Variants in CCSER1 observed in about 807,000 individuals in gnomAD.
CCSER1 encodes coiled-coil serine rich protein 1, also known as serine-rich coiled-coil domain-containing protein 1.
CCSER1 carries 41 observed loss-of-function variants against 82.0 expected under a neutral mutation model. The observed-to-expected ratio is 0.50, with a 90% confidence interval of 0.39 to 0.65. The LOEUF is 0.65. Ranked by LOEUF, CCSER1 falls within the 30% of genes least tolerant of loss-of-function variation. The pLI is 0.00. For synonymous variants in CCSER1, 414 were observed against 383.9 expected (o/e 1.08, Z -0.92); for missense variants, 1,119 against 1,064.2 (o/e 1.05, Z -0.72).
intron 1 of CCSER1, among the ~76,000 whole-genome samples, chr4:90,270,066 G>A (rs1725971512): frequency 6.6e-6 from 1 of 151,966 alleles, no homozygotes; most frequent in Non-Finnish European, 1.5e-5. Context: ...AGACCCAATG[G>A]ATTCACTGCT....
At chr4:91,327,910 C>A (rs931287480) in intron 10 of CCSER1, among the ~76,000 whole-genome samples, 18 of 152,290 alleles carry the variant, frequency 1.2e-4, no homozygotes, top group Admixed American at 7.8e-4. Flanking sequence ...AGTCTCTTTG[C>A]TAAAGCATAA....
intron 5 of CCSER1, among the ~76,000 whole-genome samples, chr4:90,513,661 A>G (rs1560640356): frequency 6.6e-6 from 1 of 152,192 alleles, no homozygotes; most frequent in Admixed American, 6.5e-5. Flanking sequence ...AGATGAATGA[A>G]GAGTGTATGA....
chr4:90,687,563 A>G (rs1270666706), intron 6 of CCSER1, among the ~76,000 whole-genome samples: 1 of 152,124 alleles, frequency 6.6e-6, no homozygotes, highest in Non-Finnish European at 1.5e-5. Context: ...CCTTGAGATA[A>G]AGTAAAGCAC....
chr4:90,491,775 CAT>C (rs1404559035), intron 5 of CCSER1, among the ~76,000 whole-genome samples: 2 of 152,160 alleles, frequency 1.3e-5, no homozygotes, highest in Non-Finnish European at 2.9e-5. Context: ...TTGAGATAAT[CAT>C]GTGGTTTTTG....
intron 10 of CCSER1, among the ~76,000 whole-genome samples, chr4:91,261,531 G>C (rs753523265): frequency 1.8e-4 from 28 of 152,130 alleles, no homozygotes; most frequent in Non-Finnish European, 3.5e-4. Flanking sequence ...TGCTGTGTAC[G>C]TAATAATCTT....
At chr4:90,898,267 A>ATATTTTTTTT (rs1439532109) in intron 8 of CCSER1, among the ~76,000 whole-genome samples, 1 of 55,378 alleles carries the variant, frequency 1.8e-5, no homozygotes, top group Non-Finnish European at 4.1e-5. Flanking sequence ...TCTTTAATCC[A>ATATTTTTTTT]TCTTTTTTTT....
At chr4:91,163,877 C>A (rs560895021) in intron 10 of CCSER1, among the ~76,000 whole-genome samples, 4 of 151,742 alleles carry the variant, frequency 2.6e-5, no homozygotes, top group Non-Finnish European at 5.9e-5. Context: ...GGTCTTGACT[C>A]TATCCAATTT....
intron 10 of CCSER1, among the ~76,000 whole-genome samples, chr4:91,143,114 T>G (rs1320961704): frequency 6.6e-6 from 1 of 152,112 alleles, no homozygotes; most frequent in Non-Finnish European, 1.5e-5. Context: ...TCCATGAACA[T>G]GGAGTATTTT....
intron 5 of CCSER1, among the ~76,000 whole-genome samples, chr4:90,546,026 C>A (rs954391823): frequency 3.9e-5 from 6 of 152,062 alleles, no homozygotes; most frequent in African/African-American, 1.4e-4. Flanking sequence ...TATAGTTTGT[C>A]CCTTATGGCA....
Position 91,111,626 on chromosome 4 carries a change from T to C in CCSER1, c.2217+25632T>C, listed in dbSNP as rs73834791. 2.7e-3 allele frequency among the ~76,000 whole-genome samples: 408 copies of C among 151,952 alleles called. 3 individuals carry two copies. The highest frequency in any genetic ancestry group is 9.4e-3 in the African/African-American group (392 of 41,542). On this transcript the variant is annotated intron_variant, in intron 10 of 10. Coordinates refer to ENST00000509176, the MANE Select transcript of CCSER1 (RefSeq NM_001145065.2). ...AATAAAATAAAGATTGTATATATTT[T>C]AGGAGGTCATAAATTTGTAGGTATT... is the stretch of plus-strand genomic sequence containing the variant.
At chr4:90,750,244 C>T (rs187442888) in intron 7 of CCSER1, among the ~76,000 whole-genome samples, 2 of 151,990 alleles carry the variant, frequency 1.3e-5, no homozygotes, top group African/African-American at 4.8e-5. Context: ...TTGTGGGTTG[C>T]CTGTTCGCTC....
At chr4:91,422,459 T>TG (rs748134358) in intron 10 of CCSER1, among the ~76,000 whole-genome samples, 25 of 152,296 alleles carry the variant, frequency 1.6e-4, no homozygotes, top group Non-Finnish European at 3.2e-4. Flanking sequence ...ATTGCCTAAT[T>TG]GTGTGTCATA....
At chr4:90,183,870 T>A (rs1383150536) in intron 1 of CCSER1, among the ~76,000 whole-genome samples, 1 of 152,180 alleles carries the variant, frequency 6.6e-6, no homozygotes, top group African/African-American at 2.4e-5. Flanking sequence ...TTGAGAAGTT[T>A]CATTTAGATT....
chr4:90,550,290 T>C (rs1168296336), intron 5 of CCSER1, among the ~76,000 whole-genome samples: 1 of 152,212 alleles, frequency 6.6e-6, no homozygotes, highest in Non-Finnish European at 1.5e-5. Context: ...ACATTATTTA[T>C]TGATATATTT....
At chr4:90,516,894 T>C (rs1772359593) in intron 5 of CCSER1, among the ~76,000 whole-genome samples, 1 of 152,114 alleles carries the variant, frequency 6.6e-6, no homozygotes, top group Non-Finnish European at 1.5e-5. Flanking sequence ...GCTTTGAAAA[T>C]GGCACACATT....
chr4:90,735,610 A>G (rs1040155149), intron 7 of CCSER1, among the ~76,000 whole-genome samples: 5 of 152,144 alleles, frequency 3.3e-5, no homozygotes, highest in African/African-American at 9.6e-5. Flanking sequence ...ATTGGCACAT[A>G]GTTGCTCATG....
At chr4:91,050,555 G>C (rs1561503365) in intron 9 of CCSER1, among the ~76,000 whole-genome samples, 1 of 152,066 alleles carries the variant, frequency 6.6e-6, no homozygotes, top group Non-Finnish European at 1.5e-5. Flanking sequence ...CCATTGTATT[G>C]ATAACATAAA....
intron 10 of CCSER1, among the ~76,000 whole-genome samples, chr4:91,535,426 A>G (rs1266808680): frequency 8.9e-6 from 1 of 111,922 alleles, no homozygotes; most frequent in Non-Finnish European, 1.8e-5. Flanking sequence ...GAAGGTGAGA[A>G]TGATGAGGTG....
intron 1 of CCSER1, among the ~76,000 whole-genome samples, chr4:90,165,741 A>G (rs1328371087): frequency 6.6e-6 from 1 of 152,074 alleles, no homozygotes; most frequent in African/African-American, 2.4e-5. Context: ...TAACCTAAAA[A>G]GACTAATTGT....
Sources: allele counts gnomAD v4.1 joint callset (sites outside exome capture counted in the v4.1 genomes callset), GRCh38; gene constraint gnomAD v4.1.1; transcripts MANE v1.5; gene names NCBI Gene and HGNC (gene_info 2026-07-23, HGNC 2026-07-21).